Variants in ARAP2 observed in about 807,000 individuals in gnomAD.
The protein encoded by ARAP2 is ArfGAP with RhoGAP domain, ankyrin repeat and PH domain 2.
ARAP2 carries 148 observed loss-of-function variants against 194.5 expected under a neutral mutation model. The ratio of observed to expected loss-of-function variants is 0.76; its 90% confidence interval spans 0.67 to 0.87. ARAP2 has a LOEUF of 0.87. Ranked by LOEUF, ARAP2 falls within the 40% of genes least tolerant of loss-of-function variation. The probability of loss-of-function intolerance (pLI) is 0.00; values close to 1 mark genes in which losing one functional copy is unlikely to be tolerated. For missense variants in ARAP2, 2,128 were observed against 1,989.7 expected, an observed-to-expected ratio of 1.07 and a Z score of -1.32; for synonymous variants, 695 against 683.5, an observed-to-expected ratio of 1.02 and a Z score of -0.26.
At chr4:36,102,533 G>A (rs1052781148) in intron 27 of ARAP2, among the ~76,000 whole-genome samples, 1 of 151,868 alleles carries the variant, frequency 6.6e-6, no homozygotes, top group Non-Finnish European at 1.5e-5. Context: ...TGTTAAAGAA[G>A]GATAGCATGC....
rs73130421 is a variant in ARAP2, at chr4:36,235,747, T to C, written c.-159-6102A>G. Among the ~76,000 whole-genome samples, 1,256 of 152,326 alleles carry C rather than the reference T, an allele frequency of 8.2e-3. 10 individuals carry two copies. Among genetic ancestry groups the C allele is most frequent in the African/African-American group, 0.028 (1,167 of 41,560 alleles). The stretch of plus-strand genomic sequence containing the variant: ...AGTAACCAAGCTAGTATGGAGCGGA[T>C]TGATTTCAAGCACAGATTTCTCCAA... On this transcript the variant is annotated intron_variant, in intron 1 of 32. Coordinates refer to ENST00000303965, the MANE Select transcript of ARAP2 (RefSeq NM_015230.4).
intron 2 of ARAP2, among the ~76,000 whole-genome samples, chr4:36,220,308 A>G (rs548751722): frequency 6.6e-6 from 1 of 152,264 alleles, no homozygotes; most frequent in Admixed American, 6.5e-5. Flanking sequence ...CAGTGATCCA[A>G]TAAGAACATA....
chr4:36,232,032 G>A (rs1196694705), intron 1 of ARAP2, among the ~76,000 whole-genome samples: 1 of 152,170 alleles, frequency 6.6e-6, no homozygotes, highest in Non-Finnish European at 1.5e-5. Flanking sequence ...CTCTATGTAA[G>A]GACACAGGGA....
In ARAP2 at chr4:36,229,074, T is replaced by C. The variant is rs1449009659; in HGVS notation, c.413A>G (p.Gln138Arg). 2 of 1,614,106 alleles carry C rather than the reference T, an allele frequency of 1.2e-6. No homozygotes were observed. Among genetic ancestry groups the C allele is most frequent in the Admixed American group, 1.7e-5 (1 of 59,996 alleles). Reference protein sequence around the residue: ...EDSDASVERSQYPQSDDKLSP... With the variant: ...EDSDASVERSRYPQSDDKLSP... ...CAGCTTATCATCTGATTGAGGATACTGGCTTCTTTCCACACTTGCATCACT... is the reference window on the plus strand; with the variant it reads ...CAGCTTATCATCTGATTGAGGATACCGGCTTCTTTCCACACTTGCATCACT... The change falls in exon 2 of 33, where the codon CAG becomes CGG. Residue 138 changes from glutamine to arginine, a missense_variant. Gln to Arg is a conservative substitution (Grantham distance 43). Transcript: ENST00000303965.
intron 31 of ARAP2, among the ~76,000 whole-genome samples, chr4:36,076,525 C>T (rs1728281288): frequency 6.6e-6 from 1 of 151,928 alleles, no homozygotes; most frequent in Non-Finnish European, 1.5e-5. Flanking sequence ...CTTATCACTG[C>T]TTTTGCTGTT....
At chr4:36,211,603 G>T (rs1482486613) in intron 5 of ARAP2, among the ~76,000 whole-genome samples, 1 of 152,098 alleles carries the variant, frequency 6.6e-6, no homozygotes, top group South Asian at 2.1e-4. Context: ...GTTTACTAAA[G>T]ATGTTTAATT....
chr4:36,138,099 C>T (rs1727277796), intron 19 of ARAP2, among the ~76,000 whole-genome samples: 1 of 151,666 alleles, frequency 6.6e-6, no homozygotes, highest in Non-Finnish European at 1.5e-5. Context: ...GTATGCTGTG[C>T]ATTTTTCTTT....
chr4:36,139,582 G>T (rs1004368249), intron 19 of ARAP2, among the ~76,000 whole-genome samples: 46 of 151,544 alleles, frequency 3.0e-4, no homozygotes, highest in African/African-American at 1.0e-3. Flanking sequence ...GGTCTAATTT[G>T]CTCTTTTTTA....
At chr4:36,136,932 G>GCACA (rs10551786) in intron 19 of ARAP2, among the ~76,000 whole-genome samples, 2 of 149,322 alleles carry the variant, frequency 1.3e-5, no homozygotes, top group Non-Finnish European at 1.5e-5. Flanking sequence ...ACGCGCGCGC[G>GCACA]CACACACACA....
chr4:36,154,986 C>T (rs1731901878), intron 15 of ARAP2, among the ~76,000 whole-genome samples: 2 of 152,188 alleles, frequency 1.3e-5, no homozygotes. Flanking sequence ...GATAGTTCAA[C>T]TTTTCCTGTT....
intron 9 of ARAP2, among the ~76,000 whole-genome samples, chr4:36,009,900 G>T (rs577573271): frequency 4.0e-4 from 60 of 150,000 alleles, no homozygotes; most frequent in Non-Finnish European, 8.3e-4. Flanking sequence ...TAGGGGGGTG[G>T]AATCATCAGT....
Position 36,124,921 on chromosome 4 carries a change from T to A in ARAP2, c.3687A>T (p.Ile1229=). Residue 1229 remains isoleucine (I), a synonymous_variant, in exon 22 of 33, where the codon ATA becomes ATT. Transcript: ENST00000303965. ...KERIKKYGAF[I]RSLPGVNRAT... is the part of the protein sequence containing the mutation. Reference sequence around the variant, plus strand: ...CTCGGTTGACCCCTGGAAGAGAACGTATAAATGCTCCATATTTTTTAATTC... The same window carrying A: ...CTCGGTTGACCCCTGGAAGAGAACGAATAAATGCTCCATATTTTTTAATTC... 6 of 1,611,226 alleles carry A rather than the reference T, an allele frequency of 3.7e-6. No individual in the cohort carries two copies. Among genetic ancestry groups the A allele is most frequent in the Non-Finnish European group, 5.1e-6 (6 of 1,178,256 alleles).
chr4:36,077,981 C>T (rs917700418), intron 31 of ARAP2, among the ~76,000 whole-genome samples: 2 of 152,146 alleles, frequency 1.3e-5, no homozygotes, highest in African/African-American at 2.4e-5. Flanking sequence ...TTCCTGAGAA[C>T]CTTCCTCAAT....
chr4:36,212,513 A>G (rs1300074343), intron 4 of ARAP2, 26 bp from the exon 5 acceptor site: 1 of 1,551,178 alleles, frequency 6.4e-7, no homozygotes, highest in Non-Finnish European at 8.9e-7. Flanking sequence ...ACAAACAAAA[A>G]ACACATACTG....
downstream of ARAP2, among the ~76,000 whole-genome samples, chr4:36,062,493 G>A (rs950155289): frequency 4.6e-5 from 7 of 152,192 alleles, no homozygotes; most frequent in South Asian, 4.1e-4. Flanking sequence ...TGCTAGAAGC[G>A]GTTTTGAAAA....
chr4:36,130,835 A>G (rs1725249098), intron 20 of ARAP2, among the ~76,000 whole-genome samples: 1 of 151,902 alleles, frequency 6.6e-6, no homozygotes, highest in Admixed American at 6.6e-5. Context: ...ACAAACATCA[A>G]TGCTGACTAA....
At chr4:36,064,206 CTTT>C (rs3055214), downstream of ARAP2, among the ~76,000 whole-genome samples, 133 of 144,078 alleles carry the variant, frequency 9.2e-4, no homozygotes, top group Middle Eastern at 3.6e-3. Flanking sequence ...TTTTTTCTTT[CTTT>C]TTTTTTTTTT....
intron 8 of ARAP2, among the ~76,000 whole-genome samples, chr4:36,184,294 TAC>T (rs199539723): frequency 0.01 from 1,462 of 140,908 alleles, 49 homozygotes; most frequent in Admixed American, 0.074. Context: ...TATATATATA[TAC>T]GTACACACAC....
chr4:36,080,469 T>C (rs951475577), intron 30 of ARAP2, among the ~76,000 whole-genome samples, 190 bp from the exon 31 acceptor site: 1 of 152,214 alleles, frequency 6.6e-6, no homozygotes, highest in African/African-American at 2.4e-5. Context: ...TACGAAGTTA[T>C]AGTGTAAATA....
Sources: gnomAD v4.1 joint callset for allele counts (sites outside exome capture counted in the v4.1 genomes callset) on GRCh38, gnomAD v4.1.1 for gene constraint, MANE v1.5 for transcripts, NCBI Gene and HGNC (gene_info 2026-07-23, HGNC 2026-07-21) for gene names.